Variants in TASP1 observed in about 807,000 individuals in gnomAD.
The protein encoded by TASP1 is threonine aspartase 1.
TASP1 carries 16 observed loss-of-function variants against 56.6 expected under a neutral mutation model. The ratio of observed to expected loss-of-function variants is 0.28; its 90% CI spans 0.19 to 0.43. The LOEUF (loss-of-function observed/expected upper bound fraction) is 0.43, where lower values mean the gene tolerates loss of function less well. Ranked by LOEUF, TASP1 falls within the 20% of genes least tolerant of loss-of-function variation. The pLI, the probability that TASP1 is intolerant of heterozygous loss-of-function variation, is 1.00. For missense variants in TASP1, 393 were observed against 511.6 expected (o/e 0.77, Z 2.24); for synonymous variants, 179 against 184.2 (o/e 0.97, Z 0.23).
the TASP1 span, chr20:13,279,701 C>T: frequency 3.1e-6 from 5 of 1,613,886 alleles, no homozygotes; most frequent in East Asian, 8.9e-5. Context: ...GAGAATAAGC[C>T]CAGCTGGTCA....
At chr20:13,587,019 TC>T (rs756938399) in intron 5 of TASP1, among the ~76,000 whole-genome samples, 1 of 152,022 alleles carries the variant, frequency 6.6e-6, no homozygotes, top group African/African-American at 2.4e-5. Context: ...ATATTCTAAA[TC>T]ATGTCTTAAA....
At chr20:13,364,752 C>T in the TASP1 span, among the ~76,000 whole-genome samples, 7 of 152,160 alleles carry the variant, frequency 4.6e-5, no homozygotes, top group East Asian at 3.9e-4. Flanking sequence ...GTTTGCTGTT[C>T]GTTAGATTGC....
the TASP1 span, among the ~76,000 whole-genome samples, chr20:13,370,860 T>C: frequency 1.3e-5 from 2 of 152,276 alleles, no homozygotes; most frequent in African/African-American, 4.8e-5. Context: ...TATAGGTCTA[T>C]TTAGATTTTC....
the TASP1 span, among the ~76,000 whole-genome samples, chr20:13,349,852 G>T: frequency 6.6e-6 from 1 of 151,928 alleles, no homozygotes; most frequent in Admixed American, 6.6e-5. Context: ...AAAATAATAC[G>T]GTTTAAAAAT....
chr20:13,273,215 T>TTTTTATTTTATTTTA, the TASP1 span, among the ~76,000 whole-genome samples: 3,380 of 130,664 alleles, frequency 0.026, 97 homozygotes, highest in Admixed American at 0.054. Flanking sequence ...ACTTGGGTCT[T>TTTTTATTTTATTTTA]TTTTATTTTA....
At chr20:13,377,606 T>A in the TASP1 span, among the ~76,000 whole-genome samples, 1 of 152,102 alleles carries the variant, frequency 6.6e-6, no homozygotes, top group Non-Finnish European at 1.5e-5. Context: ...TTAGGGAGGA[T>A]TCCCTCTTTT....
intron 10 of TASP1, among the ~76,000 whole-genome samples, chr20:13,489,329 C>A (rs2043437817): frequency 6.6e-6 from 1 of 152,150 alleles, no homozygotes; most frequent in Non-Finnish European, 1.5e-5. Context: ...TAGGCAACTA[C>A]AAGGGGCCTG....
chr20:13,269,706 A>G, the TASP1 span, among the ~76,000 whole-genome samples: 1 of 152,114 alleles, frequency 6.6e-6, no homozygotes, highest in Non-Finnish European at 1.5e-5. Flanking sequence ...CTGACCACCT[A>G]TCTAAGGTTT....
intron 8 of TASP1, 110 bp from the exon 9 acceptor site, chr20:13,534,251 C>A: frequency 7.6e-7 from 1 of 1,308,422 alleles, no homozygotes. Context: ...CTAAACTAAT[C>A]CCTAAGTGGA....
chr20:13,612,665 T>C (rs182506651), intron 4 of TASP1, among the ~76,000 whole-genome samples: 14 of 152,228 alleles, frequency 9.2e-5, no homozygotes, highest in Admixed American at 7.2e-4. Context: ...AGCCCCCACA[T>C]AGGGAAAAGT....
the TASP1 span, among the ~76,000 whole-genome samples, chr20:13,301,816 G>C: frequency 1.3e-5 from 2 of 152,048 alleles, no homozygotes; most frequent in Non-Finnish European, 2.9e-5. Flanking sequence ...AGCTCAACTG[G>C]GTGATCAGGA....
the TASP1 span, among the ~76,000 whole-genome samples, chr20:13,185,139 A>C: frequency 6.6e-6 from 1 of 152,226 alleles, no homozygotes; most frequent in East Asian, 1.9e-4. Context: ...ACATAAAGAA[A>C]AATGTTAAAT....
intron 10 of TASP1, among the ~76,000 whole-genome samples, chr20:13,519,020 C>T (rs2044637920): frequency 6.6e-6 from 1 of 152,026 alleles, no homozygotes; most frequent in Non-Finnish European, 1.5e-5. Context: ...AAAAATATCC[C>T]TTGCAGCAAC....
chr20:13,255,692 T>C, the TASP1 span, among the ~76,000 whole-genome samples: 1 of 152,172 alleles, frequency 6.6e-6, no homozygotes, highest in South Asian at 2.1e-4. Flanking sequence ...AGTCATTCCC[T>C]CTGGGAAGAC....
chr20:13,578,423 T>G (rs2047005659), intron 6 of TASP1, among the ~76,000 whole-genome samples: 1 of 152,162 alleles, frequency 6.6e-6, no homozygotes, highest in Admixed American at 6.5e-5. Context: ...TTTTCTCAGT[T>G]CCAAAGGACA....
the TASP1 span, among the ~76,000 whole-genome samples, chr20:13,233,535 C>T: frequency 7.1e-6 from 1 of 141,204 alleles, no homozygotes; most frequent in Non-Finnish European, 1.5e-5. Context: ...CTAGAGGTTG[C>T]AATGAGCCAA....
chr20:13,347,076 A>G, the TASP1 span, among the ~76,000 whole-genome samples: 1 of 152,266 alleles, frequency 6.6e-6, no homozygotes, highest in Non-Finnish European at 1.5e-5. Context: ...ATGAAACAGT[A>G]TGCATAGCAT....
At chr20:13,271,207 A>G in the TASP1 span, among the ~76,000 whole-genome samples, 1 of 152,194 alleles carries the variant, frequency 6.6e-6, no homozygotes, top group Non-Finnish European at 1.5e-5. Context: ...GTGCCCCTCT[A>G]AACTTGCCTT....
intron 13 of TASP1, among the ~76,000 whole-genome samples, chr20:13,398,967 C>T (rs1274513673): frequency 6.6e-6 from 1 of 152,084 alleles, no homozygotes; most frequent in Non-Finnish European, 1.5e-5. Context: ...TTGCTTTCAC[C>T]TCTCCACCAA....
Sources: allele counts gnomAD v4.1 joint callset (sites outside exome capture counted in the v4.1 genomes callset), GRCh38; gene constraint gnomAD v4.1.1; transcripts MANE v1.5; gene names NCBI Gene and HGNC (gene_info 2026-07-23, HGNC 2026-07-21).